TP53BP2: variants seen among roughly 807,000 people sequenced by gnomAD.
The protein encoded by TP53BP2 is tumor protein p53 binding protein 2, also known as apoptosis-stimulating of p53 protein 2.
Under a neutral mutation model 126.2 loss-of-function variants are expected in TP53BP2, and 62 were observed. That is an observed-to-expected ratio of 0.49 (90% CI 0.40 to 0.61). The LOEUF (loss-of-function observed/expected upper bound fraction) is 0.61, where lower values mean the gene tolerates loss of function less well. Among genes scored for constraint, TP53BP2 ranks in the 20% least tolerant of loss-of-function variants. TP53BP2 has a pLI of 0.00. For synonymous variants in TP53BP2, 485 were observed against 502.9 expected (o/e 0.96, Z 0.48); for missense variants, 1,215 against 1,402.8 (o/e 0.87, Z 2.14).
At chr1:223,838,120 C>T (rs1166776094) in intron 1 of TP53BP2, among the ~76,000 whole-genome samples, 2 of 152,138 alleles carry the variant, frequency 1.3e-5, no homozygotes, top group Non-Finnish European at 2.9e-5. Context: ...AGTCACATTA[C>T]CCTTCTTAAA....
At chr1:223,784,719 A>G (rs768163132) in intron 16 of TP53BP2, among the ~76,000 whole-genome samples, 14 of 152,242 alleles carry the variant, frequency 9.2e-5, no homozygotes, top group Non-Finnish European at 1.3e-4. Context: ...AAGGAACTCT[A>G]GAAACATTAC....
At chr1:223,782,693 T>C (rs903546670) in intron 17 of TP53BP2, among the ~76,000 whole-genome samples, 3 of 152,122 alleles carry the variant, frequency 2.0e-5, no homozygotes, top group African/African-American at 7.2e-5. Flanking sequence ...CCTCAAGTGA[T>C]CCTCCTGCCT....
intron 17 of TP53BP2, among the ~76,000 whole-genome samples, chr1:223,782,389 G>A (rs560406804): frequency 6.6e-6 from 1 of 152,238 alleles, no homozygotes; most frequent in Non-Finnish European, 1.5e-5. Flanking sequence ...GAAGGAAAGT[G>A]GCTGTAGGCA....
At chr1:223,788,953 G>A in intron 16 of TP53BP2, 55 bp downstream of exon 16, 1 of 1,555,290 alleles carries the variant, frequency 6.4e-7, no homozygotes, top group Non-Finnish European at 8.8e-7. Context: ...ATACCCTGGA[G>A]ATACAGAATA....
rs1662137793 is a variant in TP53BP2, at chr1:223,790,997, C to T, written c.2996+1392G>A. Among the ~76,000 whole-genome samples the T allele has an allele frequency of 2.6e-5, 4 of 152,200 alleles. No homozygotes were observed. In the South Asian group the frequency reaches 8.3e-4, roughly 32 times the overall value. ...TGAAAAATTATATACAACATAAACT[C>T]CCAACATTAGGAAAACAAGGGCATT... On this transcript the variant is annotated intron_variant, in intron 15 of 17. Transcript: ENST00000343537.
intron 1 of TP53BP2, among the ~76,000 whole-genome samples, chr1:223,830,415 C>A (rs1663656151): frequency 1.3e-5 from 2 of 152,010 alleles, no homozygotes; most frequent in African/African-American, 4.8e-5. Context: ...AAGTTATTTA[C>A]TCAAAGATAC....
Position 223,802,134 on chromosome 1 carries a change from C to A in TP53BP2, c.1207G>T (p.Ala403Ser), listed in dbSNP as rs755692047. 1 of 1,614,090 alleles carries A rather than the reference C, an allele frequency of 6.2e-7. No homozygotes were observed. The highest frequency in any genetic ancestry group is 2.2e-5 in the East Asian group (1 of 44,874). The change falls in exon 9 of 18, where the codon GCT (alanine) becomes TCT (serine). Residue 403 changes from alanine (A) to serine (S), a missense_variant. Ala to Ser is a moderately conservative substitution (Grantham distance 99). Coordinates refer to ENST00000343537, the MANE Select transcript of TP53BP2 (RefSeq NM_001031685.3). ...TTTTTACCTTTAGTTTGTGAAGCAG[C>A]CCCAGATCTCATGTTGGGCAGTGTC... ...IQTLPNMRSG[A>S]ASQTKGSKIH... is the part of the protein sequence containing the mutation.
chr1:223,809,748 C>T (rs1252541052), intron 4 of TP53BP2, among the ~76,000 whole-genome samples: 4 of 151,866 alleles, frequency 2.6e-5, no homozygotes, highest in African/African-American at 4.8e-5. Context: ...AAATAGTGAC[C>T]GCTGAAAAGA....
At chr1:223,793,539 G>A in intron 13 of TP53BP2, 99 bp from the exon 14 acceptor site, 2 of 1,206,558 alleles carry the variant, frequency 1.7e-6, no homozygotes, top group Non-Finnish European at 1.1e-6. Flanking sequence ...ATTAGTGAGA[G>A]GCACTTTAAC....
chr1:223,834,685 A>C (rs1663861127), intron 1 of TP53BP2: 1 of 287,958 alleles, frequency 3.5e-6, no homozygotes, highest in South Asian at 1.3e-4. Context: ...AGGAATCTAA[A>C]ATAGCCACTT....
chr1:223,802,075 T>C, intron 9 of TP53BP2, 41 bp downstream of exon 9: 1 of 1,561,918 alleles, frequency 6.4e-7, no homozygotes, highest in Non-Finnish European at 8.8e-7. Flanking sequence ...GGAGAAAGAA[T>C]AGTGGGGACA....
intron 1 of TP53BP2, among the ~76,000 whole-genome samples, chr1:223,839,031 T>G (rs1425882212): frequency 6.6e-6 from 1 of 151,930 alleles, no homozygotes; most frequent in Non-Finnish European, 1.5e-5. Flanking sequence ...TTTTTTCCAT[T>G]TTTCCTTTTC....
chr1:223,782,400 A>G (rs1661804637), intron 17 of TP53BP2, among the ~76,000 whole-genome samples: 1 of 152,244 alleles, frequency 6.6e-6, no homozygotes, highest in Non-Finnish European at 1.5e-5. Flanking sequence ...GCTGTAGGCA[A>G]GAGACTGTAC....
chr1:223,801,627 T>C (rs1418946081), intron 9 of TP53BP2, among the ~76,000 whole-genome samples: 1 of 152,212 alleles, frequency 6.6e-6, no homozygotes, highest in Non-Finnish European at 1.5e-5. Context: ...CTCTGCTATT[T>C]TCACTTTTAA....
At chr1:223,822,990 T>A (rs1007255323) in intron 1 of TP53BP2, among the ~76,000 whole-genome samples, 3 of 152,108 alleles carry the variant, frequency 2.0e-5, no homozygotes, top group Non-Finnish European at 4.4e-5. Flanking sequence ...ATAATTCCAA[T>A]CAAAGAAAGA....
intron 1 of TP53BP2, among the ~76,000 whole-genome samples, chr1:223,834,348 C>A (rs1475622987): frequency 6.6e-6 from 1 of 152,166 alleles, no homozygotes; most frequent in Non-Finnish European, 1.5e-5. Flanking sequence ...AGTACTCACA[C>A]TTAAGTTTAA....
intron 1 of TP53BP2, among the ~76,000 whole-genome samples, chr1:223,843,107 A>C (rs1664157093): frequency 6.6e-6 from 1 of 151,968 alleles, no homozygotes; most frequent in African/African-American, 2.4e-5. Flanking sequence ...TTATCACTTC[A>C]TGTCCCACAT....
At position 223,784,099 on chromosome 1, in the gene TP53BP2, C is replaced by T. The variant is rs776127902; in HGVS notation, c.3363+16G>A. 1.4e-4 allele frequency: 232 copies of T among 1,612,126 alleles called. 2 individuals carry two copies. In the South Asian group the frequency reaches 2.3e-3, roughly 16 times the overall value. On this transcript the variant is annotated intron_variant, in intron 17 of 17. Coordinates refer to ENST00000343537, the MANE Select transcript of TP53BP2 (RefSeq NM_001031685.3). ...CTGGCACATATGAAAACACCGTAAG[C>T]GTCAGAATAACTTACTCCCAGCAAG...
At chr1:223,785,366 A>T (rs1040613371) in intron 16 of TP53BP2, among the ~76,000 whole-genome samples, 2 of 152,264 alleles carry the variant, frequency 1.3e-5, no homozygotes, top group Admixed American at 1.3e-4. Context: ...AGGCTCTGCC[A>T]ATCTAAAGAG....
Sources: gnomAD v4.1 joint callset for allele counts (sites outside exome capture counted in the v4.1 genomes callset) on GRCh38, gnomAD v4.1.1 for gene constraint, MANE v1.5 for transcripts, NCBI Gene and HGNC (gene_info 2026-07-23, HGNC 2026-07-21) for gene names.